Variants in NOM1 observed in about 807,000 individuals in gnomAD.
The protein encoded by NOM1 is nucleolar protein with MIF4G domain 1, also known as nucleolar MIF4G domain-containing protein 1.
In NOM1, 58 loss-of-function variants were observed where a neutral mutation model predicts 73.3. The observed-to-expected ratio is 0.79, with a 90% CI of 0.64 to 0.99. The LOEUF (loss-of-function observed/expected upper bound fraction) is 0.99, where lower values mean the gene tolerates loss of function less well. Ranked by LOEUF, NOM1 falls within the 50% of genes least tolerant of loss-of-function variation. NOM1 has a pLI of 0.00. For missense variants in NOM1, 1,226 were observed against 1,131.9 expected, an observed-to-expected ratio of 1.08 and a Z score of -1.19; for synonymous variants, 487 against 446.8, an observed-to-expected ratio of 1.09 and a Z score of -1.14.
intron 2 of NOM1, 108 bp downstream of exon 2, chr7:156,952,706 G>A: frequency 8.1e-7 from 1 of 1,239,992 alleles, no homozygotes; most frequent in Non-Finnish European, 1.1e-6. Context: ...ACAGTCGATT[G>A]GATCCTTTCT....
chr7:156,960,371 A>G (rs1404467683), intron 4 of NOM1, 197 bp downstream of exon 4: 3 of 568,300 alleles, frequency 5.3e-6, no homozygotes, highest in Non-Finnish European at 9.2e-6. Context: ...GTGAATTTAA[A>G]AACTGATTTA....
intron 3 of NOM1, 72 bp downstream of exon 3, chr7:156,954,370 G>A (rs1160315490): frequency 1.4e-5 from 18 of 1,287,144 alleles, no homozygotes; most frequent in Non-Finnish European, 1.8e-5. Context: ...GGCTTGATAA[G>A]TGCGTAATTG....
At position 156,964,010 on chromosome 7, in the gene NOM1, TTTGAAAAGCTTC is replaced by T; in HGVS notation, c.2019_2030del (p.Phe673_Leu676del). 6.2e-7 allele frequency: 1 copy of T among 1,613,718 alleles called. No homozygotes were observed. The highest frequency in any genetic ancestry group is 8.5e-7 in the Non-Finnish European group (1 of 1,179,756). On this transcript the variant is annotated inframe_deletion, in exon 7 of 11. Transcript: ENST00000275820. ...GACAAGTGAAGATTTTTTGGATGCT[TTTGAAAAGCTTC>T]TGAAGTAAGCATTTGTGTGCACATT...
intron 2 of NOM1, 37 bp from the exon 3 acceptor site, chr7:156,954,066 A>T: frequency 1.3e-6 from 2 of 1,556,064 alleles, no homozygotes; most frequent in Non-Finnish European, 8.7e-7. Flanking sequence ...TCCTAATTGG[A>T]AACATTGTTG....
At chr7:156,967,455 A>G (rs1201117299) in intron 9 of NOM1, among the ~76,000 whole-genome samples, 1 of 152,138 alleles carries the variant, frequency 6.6e-6, no homozygotes, top group Non-Finnish European at 1.5e-5. Context: ...ACGTTGATGT[A>G]AGGTGTTTTA....
At chr7:156,952,920 C>T (rs188418224) in intron 2 of NOM1, among the ~76,000 whole-genome samples, 313 of 152,366 alleles carry the variant, frequency 2.1e-3, no homozygotes, top group African/African-American at 7.2e-3. Context: ...TGTCCCCTCT[C>T]TGCAGAAACA....
intron 3 of NOM1, among the ~76,000 whole-genome samples, chr7:156,956,034 C>A (rs1050473998): frequency 2.7e-5 from 4 of 150,764 alleles, no homozygotes; most frequent in Admixed American, 6.6e-5. Flanking sequence ...ACTAAAAATA[C>A]AAAAAAAAAT....
In NOM1 at chr7:156,950,179, C is replaced by T. The variant is rs1804545985; in HGVS notation, c.442C>T (p.Arg148Trp). The T allele has an allele frequency of 1.2e-6, 2 of 1,605,152 alleles. No individual in the cohort carries two copies. The highest frequency in any genetic ancestry group is 1.7e-6 in the Non-Finnish European group (2 of 1,178,158). The change falls in exon 1 of 11, where the codon CGG becomes TGG. Residue 148 changes from arginine to tryptophan, a missense_variant. By Grantham distance (101) the Arg-to-Trp change is moderately radical. Transcript: ENST00000275820. ...PSPPRKPRPS[R>W]VKAKATAATA... Reference sequence around the variant, plus strand: ...GCCTCCCAGGAAGCCGCGGCCGTCCCGGGTCAAGGCCAAGGCCACGGCCGC... The same window carrying T: ...GCCTCCCAGGAAGCCGCGGCCGTCCTGGGTCAAGGCCAAGGCCACGGCCGC...
At chr7:156,962,964 T>C in intron 5 of NOM1, 44 bp from the exon 6 acceptor site, 1 of 1,587,652 alleles carries the variant, frequency 6.3e-7, no homozygotes, top group Non-Finnish European at 8.6e-7. Flanking sequence ...GGACGGAATA[T>C]GAACCAATTA....
In NOM1 at chr7:156,971,385, CTATT is replaced by C. The variant is rs2134805368; in HGVS notation, c.*1689_*1692del. On this transcript the variant is annotated 3_prime_UTR_variant, in exon 11 of 11. Coordinates refer to ENST00000275820, the MANE Select transcript of NOM1 (RefSeq NM_138400.2). Reference sequence around the variant, plus strand: ...GCCCCATTTGTGGCACTTTCAGATACTATTTATTTACTTTTTAAGAGAGAGACAG... The same window carrying C: ...GCCCCATTTGTGGCACTTTCAGATACTATTTACTTTTTAAGAGAGAGACAG... The C allele has an allele frequency of 6.6e-6, 1 of 152,370 alleles. No individual in the cohort carries two copies. The highest frequency in any genetic ancestry group is 1.9e-4 in the East Asian group (1 of 5,188). The allele number at this position is 152,370 out of a possible 1,614,324, so 9.4% of individuals were successfully genotyped here.
chr7:156,957,340 A>G (rs1037931546), intron 3 of NOM1, among the ~76,000 whole-genome samples: 5 of 152,230 alleles, frequency 3.3e-5, no homozygotes, highest in Admixed American at 2.0e-4. Flanking sequence ...ATCAGAGTTA[A>G]CGTACAGGAT....
At position 156,951,169 on chromosome 7, in the gene NOM1, G is replaced by A. The variant is rs149718359; in HGVS notation, c.987+445G>A. Among the ~76,000 whole-genome samples the A allele has an allele frequency of 3.2e-3, 484 of 152,284 alleles. 4 individuals are homozygous for A. The highest frequency in any genetic ancestry group is 0.011 in the African/African-American group (469 of 41,546). On this transcript the variant is annotated intron_variant, in intron 1 of 10. Coordinates refer to ENST00000275820, the MANE Select transcript of NOM1 (RefSeq NM_138400.2). ...TGAATTAAAGATAAAGGCTGAGGCG[G>A]GGCAGATCATTTGAGGTCAGGTGTT...
In NOM1 at chr7:156,971,853, C is replaced by T. The variant is rs565498768; in HGVS notation, c.*2150C>T. 6.6e-6 allele frequency: 1 copy of T among 152,366 alleles called. No individual in the cohort carries two copies. Among genetic ancestry groups the T allele is most frequent in the East Asian group, 1.9e-4 (1 of 5,188 alleles). The allele number at this position is 152,366 out of a possible 1,614,324, so 9.4% of individuals were successfully genotyped here. On this transcript the variant is annotated 3_prime_UTR_variant, in exon 11 of 11. Coordinates refer to ENST00000275820, the MANE Select transcript of NOM1 (RefSeq NM_138400.2). ...CTGCATTCAGCAACATCATTCGACCCGAAGCCAGATTCAAACCCTATGTCT... is the reference window on the plus strand; with the variant it reads ...CTGCATTCAGCAACATCATTCGACCTGAAGCCAGATTCAAACCCTATGTCT...
intron 9 of NOM1, among the ~76,000 whole-genome samples, chr7:156,968,134 G>A (rs1292868458): frequency 6.6e-6 from 1 of 152,154 alleles, no homozygotes; most frequent in African/African-American, 2.4e-5. Context: ...TGAGGGCACC[G>A]AGCCTTACGC....
chr7:156,964,152 A>ACCAT, intron 7 of NOM1, 126 bp downstream of exon 7: 1 of 934,080 alleles, frequency 1.1e-6, no homozygotes, highest in Non-Finnish European at 1.6e-6. Flanking sequence ...TGTTCTCATG[A>ACCAT]CCATCCGCTC....
chr7:156,967,550 C>T (rs189015441), intron 9 of NOM1, among the ~76,000 whole-genome samples: 1 of 152,064 alleles, frequency 6.6e-6, no homozygotes, highest in Non-Finnish European at 1.5e-5. Context: ...CTTCCCCCCC[C>T]AAGATGGGAG....
chr7:156,964,099 G>C, intron 7 of NOM1, 73 bp downstream of exon 7: 1 of 1,517,876 alleles, frequency 6.6e-7, no homozygotes, highest in Non-Finnish European at 9.0e-7. Flanking sequence ...TGCTTTTTGA[G>C]TTTTGGACGA....
rs948004058 is a variant in NOM1, at chr7:156,954,361, G to A, written c.1308+63G>A. 42 of 1,403,010 alleles carry A rather than the reference G, an allele frequency of 3.0e-5. 1 individual carries two copies. In the Admixed American group the frequency reaches 9.0e-4, roughly 30 times the overall value. The allele number at this position is 1,403,010 out of a possible 1,614,324, so 86.9% of individuals were successfully genotyped here. A position where few individuals can be genotyped will look rare whatever the true frequency, so the allele number is the denominator to read the frequency against. On this transcript the variant is annotated intron_variant, in intron 3 of 10. Transcript: ENST00000275820. Reference sequence around the variant, plus strand: ...CTCATGGTGATTATTTTAATGATAGGCTTGATAAGTGCGTAATTGTGTGCT... The same window carrying A: ...CTCATGGTGATTATTTTAATGATAGACTTGATAAGTGCGTAATTGTGTGCT...
chr7:156,950,729 C>G lies in NOM1; in HGVS notation c.987+5C>G, dbSNP rs1054525954. ...GACGGTGACATAACGGATAAGGTATCGTGTGAACACTCTCTAGGCCCTCTG... is the reference window on the plus strand; with the variant it reads ...GACGGTGACATAACGGATAAGGTATGGTGTGAACACTCTCTAGGCCCTCTG... On this transcript the variant is annotated splice_donor_5th_base_variant and intron_variant, in intron 1 of 10. Coordinates refer to ENST00000275820, the MANE Select transcript of NOM1 (RefSeq NM_138400.2). The G allele has an allele frequency of 2.6e-6, 4 of 1,548,776 alleles. No homozygotes were observed. Among genetic ancestry groups the G allele is most frequent in the Non-Finnish European group, 3.5e-6 (4 of 1,145,370 alleles).
Sources: gnomAD v4.1 joint callset for allele counts (sites outside exome capture counted in the v4.1 genomes callset) on GRCh38, gnomAD v4.1.1 for gene constraint, MANE v1.5 for transcripts, NCBI Gene and HGNC (gene_info 2026-07-23, HGNC 2026-07-21) for gene names.